The following RPS6KA5 variants were observed in gnomAD, a reference collection of about 807,000 sequenced individuals.
RPS6KA5 encodes ribosomal protein S6 kinase alpha-5.
Under a neutral mutation model 85.5 loss-of-function variants are expected in RPS6KA5, and 27 were observed. That is an observed-to-expected ratio of 0.32 (90% CI 0.23 to 0.44). The LOEUF (loss-of-function observed/expected upper bound fraction) is 0.44. Among genes scored for constraint, RPS6KA5 ranks in the 20% least tolerant of loss-of-function variants. The pLI, the probability that RPS6KA5 is intolerant of heterozygous loss-of-function variation, is 1.00. For synonymous variants in RPS6KA5, 334 were observed against 348.2 expected, an observed-to-expected ratio of 0.96 and a Z score of 0.46; for missense variants, 811 against 980.9, an observed-to-expected ratio of 0.83 and a Z score of 2.31.
At chr14:90,995,589 T>C (rs1196758623) in intron 2 of RPS6KA5, among the ~76,000 whole-genome samples, 1 of 152,212 alleles carries the variant, frequency 6.6e-6, no homozygotes, top group Admixed American at 6.5e-5. Context: ...AATTCACTGG[T>C]GGATTTCTCC....
intron 5 of RPS6KA5, among the ~76,000 whole-genome samples, chr14:90,933,478 CA>C (rs1219081701): frequency 1.3e-5 from 2 of 152,120 alleles, no homozygotes; most frequent in Non-Finnish European, 1.5e-5. Context: ...TCTAACTCAT[CA>C]AAAAATTCCA....
chr14:90,889,571 GACAAAC>G (rs1304847171), intron 14 of RPS6KA5, among the ~76,000 whole-genome samples: 1 of 151,868 alleles, frequency 6.6e-6, no homozygotes, highest in East Asian at 1.9e-4. Context: ...GAAATGGTGA[GACAAAC>G]ACAAACACAT....
intron 1 of RPS6KA5, among the ~76,000 whole-genome samples, chr14:91,019,151 C>T (rs993259999): frequency 6.6e-6 from 1 of 151,858 alleles, no homozygotes; most frequent in Non-Finnish European, 1.5e-5. Flanking sequence ...GTAAGGGTAC[C>T]GAGCTGAAAA....
intron 2 of RPS6KA5, among the ~76,000 whole-genome samples, chr14:90,994,487 T>C (rs1479482575): frequency 6.6e-6 from 1 of 151,814 alleles, no homozygotes; most frequent in Admixed American, 6.6e-5. Flanking sequence ...TCCAACAGTC[T>C]CTTTAGGTCT....
chr14:90,983,845 T>C (rs141225045), intron 2 of RPS6KA5, among the ~76,000 whole-genome samples: 1,395 of 96,514 alleles, frequency 0.014, 20 homozygotes, highest in African/African-American at 0.027. Flanking sequence ...CTCTCTTTCT[T>C]TTTTTCTTTC....
intron 1 of RPS6KA5, among the ~76,000 whole-genome samples, chr14:91,020,598 GTATGTATATATCCTAT>G (rs2041716782): frequency 7.6e-6 from 1 of 131,610 alleles, no homozygotes; most frequent in Non-Finnish European, 1.6e-5. Context: ...ATGTGTATGT[GTATGTATATATCCTAT>G]TGTGTGTGTG....
chr14:90,879,690 T>C (rs2033703776), intron 14 of RPS6KA5, among the ~76,000 whole-genome samples: 1 of 152,204 alleles, frequency 6.6e-6, no homozygotes, highest in Non-Finnish European at 1.5e-5. Flanking sequence ...CTTGGGATTA[T>C]GCTCTTTAAT....
chr14:90,963,180 A>G (rs1257732738), intron 3 of RPS6KA5, among the ~76,000 whole-genome samples: 2 of 152,100 alleles, frequency 1.3e-5, no homozygotes, highest in Non-Finnish European at 2.9e-5. Flanking sequence ...ACTAACTCTG[A>G]ATCTGGGTTT....
intron 2 of RPS6KA5, among the ~76,000 whole-genome samples, chr14:90,996,412 T>A (rs971494745): frequency 6.6e-6 from 1 of 152,116 alleles, no homozygotes; most frequent in African/African-American, 2.4e-5. Context: ...AATTCAATGG[T>A]GAAATTAATC....
chr14:90,996,540 A>G (rs960639253), intron 2 of RPS6KA5, among the ~76,000 whole-genome samples: 11 of 152,320 alleles, frequency 7.2e-5, no homozygotes, highest in Admixed American at 1.3e-4. Context: ...CATATCTAGA[A>G]TAAAACATCA....
At chr14:90,948,663 C>T (rs1043435592) in intron 3 of RPS6KA5, among the ~76,000 whole-genome samples, 7 of 151,700 alleles carry the variant, frequency 4.6e-5, no homozygotes, top group Non-Finnish European at 1.0e-4. Flanking sequence ...CCACCGCACT[C>T]CAGCCTGGGC....
intron 3 of RPS6KA5, among the ~76,000 whole-genome samples, chr14:90,968,835 T>A (rs2039194139): frequency 1.3e-5 from 2 of 152,228 alleles, no homozygotes; most frequent in South Asian, 4.1e-4. Flanking sequence ...GCTTATAACT[T>A]AAGTGTCTTG....
At chr14:90,940,077 C>A (rs917518146) in intron 5 of RPS6KA5, among the ~76,000 whole-genome samples, 2 of 152,114 alleles carry the variant, frequency 1.3e-5, no homozygotes, top group African/African-American at 4.8e-5. Flanking sequence ...GAGGACTCAG[C>A]AAAGGAAAAT....
intron 1 of RPS6KA5, among the ~76,000 whole-genome samples, chr14:91,002,147 A>G (rs1004154719): frequency 2.0e-5 from 3 of 152,176 alleles, no homozygotes; most frequent in Admixed American, 2.0e-4. Flanking sequence ...ACCTTGACAA[A>G]TTACTTGTCT....
At chr14:90,874,846 C>T (rs2033346928) in intron 15 of RPS6KA5, among the ~76,000 whole-genome samples, 1 of 152,076 alleles carries the variant, frequency 6.6e-6, no homozygotes, top group African/African-American at 2.4e-5. Context: ...CAGGAGGACG[C>T]CTAGGTTTCT....
intron 1 of RPS6KA5, among the ~76,000 whole-genome samples, chr14:91,005,084 TG>T (rs1230943777): frequency 1.3e-5 from 2 of 152,210 alleles, no homozygotes; most frequent in Non-Finnish European, 2.9e-5. Flanking sequence ...ATCACTTCCC[TG>T]GTAACTAATA....
chr14:90,909,005 T>C (rs1294590353), intron 7 of RPS6KA5, among the ~76,000 whole-genome samples: 1 of 152,222 alleles, frequency 6.6e-6, no homozygotes, highest in Non-Finnish European at 1.5e-5. Flanking sequence ...ATGTGTTTGA[T>C]GCTGTAATGT....
At chr14:90,943,003 A>G (rs2037655787) in intron 5 of RPS6KA5, 75 bp downstream of exon 5, 2 of 868,486 alleles carry the variant, frequency 2.3e-6, no homozygotes, top group East Asian at 5.0e-5. Flanking sequence ...TTTCTGCTAA[A>G]TGTTTATTCT....
intron 5 of RPS6KA5, among the ~76,000 whole-genome samples, chr14:90,935,197 C>T (rs1310314975): frequency 6.6e-6 from 1 of 152,144 alleles, no homozygotes; most frequent in Non-Finnish European, 1.5e-5. Flanking sequence ...CGACCCTTAC[C>T]TACACATCTT....
Sources: allele counts gnomAD v4.1 joint callset (sites outside exome capture counted in the v4.1 genomes callset), GRCh38; gene constraint gnomAD v4.1.1; transcripts MANE v1.5; gene names NCBI Gene and HGNC (gene_info 2026-07-23, HGNC 2026-07-21).